USP12: variants seen among roughly 807,000 people sequenced by gnomAD.
USP12 encodes ubiquitin specific peptidase 12.
In USP12, 19 loss-of-function variants were observed where a neutral mutation model predicts 45.5. The observed-to-expected ratio is 0.42, with a 90% CI of 0.29 to 0.61. The LOEUF is 0.61. USP12 is among the 20% of genes least tolerant of loss of function. The pLI is 0.22. For missense variants in USP12, 242 were observed against 447.7 expected, an observed-to-expected ratio of 0.54 and a Z score of 4.15; for synonymous variants, 149 against 148.8, an observed-to-expected ratio of 1.00 and a Z score of -0.01.
At chr13:27,079,531 T>C (rs1435381425) in intron 6 of USP12, among the ~76,000 whole-genome samples, 1 of 152,024 alleles carries the variant, frequency 6.6e-6, no homozygotes, top group African/African-American at 2.4e-5. Context: ...AGGACTGACA[T>C]TGCCTGCAAC....
At chr13:27,098,510 T>C (rs1383307219) in intron 3 of USP12, among the ~76,000 whole-genome samples, 2 of 152,202 alleles carry the variant, frequency 1.3e-5, no homozygotes, top group East Asian at 3.8e-4. Context: ...CAAAATATCA[T>C]TTTGCCCATC....
chr13:27,161,898 TA>T (rs1023280024), intron 1 of USP12, among the ~76,000 whole-genome samples: 2 of 127,288 alleles, frequency 1.6e-5, no homozygotes, highest in African/African-American at 5.3e-5. Flanking sequence ...TAAAAAAAAA[TA>T]AAAAAAAATT....
chr13:27,109,144 T>C (rs2137790173), intron 2 of USP12, among the ~76,000 whole-genome samples: 1 of 152,238 alleles, frequency 6.6e-6, no homozygotes, highest in South Asian at 2.1e-4. Flanking sequence ...ATAAAATAAG[T>C]CCAGTGAATA....
At chr13:27,169,724 C>T (rs139734751) in intron 1 of USP12, among the ~76,000 whole-genome samples, 48 of 152,282 alleles carry the variant, frequency 3.2e-4, no homozygotes, top group South Asian at 3.1e-3. Flanking sequence ...TCTCACTGTC[C>T]TAATCTGATT....
chr13:27,117,869 G>A, intron 1 of USP12: 3 of 516,464 alleles, frequency 5.8e-6, no homozygotes, highest in Middle Eastern at 3.2e-4. Flanking sequence ...GGAGAAATGT[G>A]GCCCTGAGCA....
intron 1 of USP12, among the ~76,000 whole-genome samples, chr13:27,153,702 A>C (rs1877688460): frequency 6.6e-6 from 1 of 152,200 alleles, no homozygotes. Flanking sequence ...TCATTTCCCC[A>C]AAAAGACGTA....
chr13:27,115,159 G>C (rs138411109), intron 2 of USP12, among the ~76,000 whole-genome samples: 32 of 152,248 alleles, frequency 2.1e-4, no homozygotes, highest in South Asian at 1.5e-3. Flanking sequence ...CTCTCCAGGG[G>C]ATAAAGACAA....
rs1158927523 is a variant in USP12, at chr13:27,066,405, T to C, written c.*2878A>G. ...TTTAGCCTCCCAGCTCCCAGCCAAA[T>C]ACCTCATGATAGAATCTTTAATAAA... On this transcript the variant is annotated 3_prime_UTR_variant, in exon 9 of 9. Coordinates refer to ENST00000282344, the MANE Select transcript of USP12 (RefSeq NM_182488.4). 2 of 152,160 alleles carry C rather than the reference T, an allele frequency of 1.3e-5. No individual in the cohort carries two copies. Among genetic ancestry groups the C allele is most frequent in the African/African-American group, 2.4e-5 (1 of 41,424 alleles). The allele number at this position is 152,160 out of a possible 1,614,324, so 9.4% of individuals were successfully genotyped here.
intron 1 of USP12, among the ~76,000 whole-genome samples, chr13:27,125,533 G>C (rs901637315): frequency 6.6e-6 from 1 of 152,144 alleles, no homozygotes; most frequent in Non-Finnish European, 1.5e-5. Flanking sequence ...AGCTCCCTGC[G>C]AGATCGATGC....
At chr13:27,149,948 G>A (rs1032377657) in intron 1 of USP12, among the ~76,000 whole-genome samples, 12 of 152,252 alleles carry the variant, frequency 7.9e-5, no homozygotes, top group Non-Finnish European at 1.5e-4. Context: ...AATGCTGCTC[G>A]CTGGACACTC....
At chr13:27,092,124 C>A (rs1172916785) in intron 4 of USP12, among the ~76,000 whole-genome samples, 1 of 152,040 alleles carries the variant, frequency 6.6e-6, no homozygotes, top group Non-Finnish European at 1.5e-5. Flanking sequence ...TGCTTAGCAC[C>A]CCCCAAAATG....
intron 6 of USP12, among the ~76,000 whole-genome samples, chr13:27,082,365 G>T (rs961926966): frequency 6.6e-6 from 1 of 152,072 alleles, no homozygotes; most frequent in Non-Finnish European, 1.5e-5. Flanking sequence ...ACCTCTCTCA[G>T]CCTTCATAGA....
intron 6 of USP12, chr13:27,089,574 C>G (rs1315840620): frequency 4.2e-6 from 1 of 237,662 alleles, no homozygotes; most frequent in African/African-American, 2.2e-5. Flanking sequence ...TCTCCCTCAA[C>G]CCTCTTCACC....
intron 1 of USP12, among the ~76,000 whole-genome samples, chr13:27,156,298 A>T (rs1437523528): frequency 6.6e-6 from 1 of 152,224 alleles, no homozygotes; most frequent in Non-Finnish European, 1.5e-5. Context: ...GGATGGAAGA[A>T]CATGTTAAAC....
intron 1 of USP12, among the ~76,000 whole-genome samples, chr13:27,149,719 C>G: frequency 6.6e-6 from 1 of 152,184 alleles, no homozygotes; most frequent in East Asian, 1.9e-4. Context: ...CAACAGTCCC[C>G]AACCTTTTCG....
rs1403380495 is a variant in USP12, at chr13:27,067,192, G to A, written c.*2091C>T. 1 of 151,994 alleles carries A rather than the reference G, an allele frequency of 6.6e-6. No homozygotes were observed. Among genetic ancestry groups the A allele is most frequent in the East Asian group, 1.9e-4 (1 of 5,202 alleles). The allele number at this position is 151,994 out of a possible 1,614,324, so 9.4% of individuals were successfully genotyped here. On this transcript the variant is annotated 3_prime_UTR_variant, in exon 9 of 9. Coordinates refer to ENST00000282344, the MANE Select transcript of USP12 (RefSeq NM_182488.4). ...TAGTATTTCAATGCTGTACCTTTAT[G>A]CAAATGACTTCATCTATCTTTCTTA... is the stretch of plus-strand genomic sequence containing the variant.
chr13:27,103,589 T>C lies in USP12; in HGVS notation c.343+2142A>G, dbSNP rs7337470. ...TAAATACAAAAAGAATTAGTAACTA[T>C]TGAACTATCAAAAAAAAAAATAATA... is the stretch of plus-strand genomic sequence containing the variant. On this transcript the variant is annotated intron_variant, in intron 3 of 8. Coordinates refer to ENST00000282344, the MANE Select transcript of USP12 (RefSeq NM_182488.4). Among the ~76,000 whole-genome samples the C allele has an allele frequency of 9.5e-3, 807 of 84,602 alleles. 8 individuals are homozygous for C. The highest frequency in any genetic ancestry group is 0.034 in the African/African-American group (717 of 20,932). 55.5% of individuals were successfully genotyped at this position (84,602 alleles called of 152,430 possible). A position where few individuals can be genotyped will look rare whatever the true frequency, so the allele number is the denominator to read the frequency against.
At chr13:27,123,953 AAAT>A (rs1332614580) in intron 1 of USP12, among the ~76,000 whole-genome samples, 1 of 152,228 alleles carries the variant, frequency 6.6e-6, no homozygotes, top group Non-Finnish European at 1.5e-5. Flanking sequence ...CATCCAAGTG[AAAT>A]AATAATAGGT....
At chr13:27,104,842 G>A (rs907907384) in intron 3 of USP12, among the ~76,000 whole-genome samples, 1 of 152,124 alleles carries the variant, frequency 6.6e-6, no homozygotes, top group African/African-American at 2.4e-5. Context: ...GCTTGTGAGC[G>A]TCTACTTAAT....
Sources: allele counts gnomAD v4.1 joint callset (sites outside exome capture counted in the v4.1 genomes callset), GRCh38; gene constraint gnomAD v4.1.1; transcripts MANE v1.5; gene names NCBI Gene and HGNC (gene_info 2026-07-23, HGNC 2026-07-21).